Variants in XXYLT1 observed in about 807,000 individuals in gnomAD.
XXYLT1 encodes xyloside xylosyltransferase 1.
In XXYLT1, 20 loss-of-function variants were observed where a neutral mutation model predicts 28.9. That is an observed-to-expected ratio of 0.69 (90% CI 0.49 to 1.00). The LOEUF is 1.00. Ranked by LOEUF, XXYLT1 falls within the 50% of genes least tolerant of loss-of-function variation. The probability of loss-of-function intolerance (pLI) is 0.00; values close to 1 mark genes in which losing one functional copy is unlikely to be tolerated. For missense variants in XXYLT1, 542 were observed against 560.1 expected (o/e 0.97, Z 0.33); for synonymous variants, 257 against 253.8 (o/e 1.01, Z -0.12).
At chr3:195,253,881 C>T (rs890595302) in intron 1 of XXYLT1, among the ~76,000 whole-genome samples, 4 of 152,252 alleles carry the variant, frequency 2.6e-5, no homozygotes, top group Admixed American at 2.0e-4. Context: ...GCCAGCCTAC[C>T]TGGCAGTTTA....
intron 2 of XXYLT1, among the ~76,000 whole-genome samples, chr3:195,202,713 TC>T (rs1211745807): frequency 6.6e-6 from 1 of 152,242 alleles, no homozygotes; most frequent in African/African-American, 2.4e-5. Flanking sequence ...CTTGAGACTA[TC>T]CGATGCATAG....
At chr3:195,157,656 C>A (rs918725808) in intron 2 of XXYLT1, among the ~76,000 whole-genome samples, 3 of 152,182 alleles carry the variant, frequency 2.0e-5, no homozygotes, top group Non-Finnish European at 4.4e-5. Flanking sequence ...TGACCAGGAC[C>A]CTGCCCTCAA....
At chr3:195,188,119 A>T (rs1047290619) in intron 2 of XXYLT1, among the ~76,000 whole-genome samples, 1 of 152,202 alleles carries the variant, frequency 6.6e-6, no homozygotes, top group Non-Finnish European at 1.5e-5. Flanking sequence ...AACAGGAAAA[A>T]AGTCTAGGGG....
chr3:195,244,354 G>C (rs528884378), intron 1 of XXYLT1, among the ~76,000 whole-genome samples: 1 of 152,326 alleles, frequency 6.6e-6, no homozygotes, highest in South Asian at 2.1e-4. Flanking sequence ...CTCCAGCTTT[G>C]CTGCACGCAC....
chr3:195,089,853 C>CA lies in XXYLT1; in HGVS notation c.786-19743dup, dbSNP rs1463552047. ...GAAGATCTACCAAGCCAATGGAAAA[C>CA]AAAAAAAGGCAGGGGTTGCAATCCT... On this transcript the variant is annotated intron_variant, in intron 3 of 3. Transcript: ENST00000310380. Among the ~76,000 whole-genome samples, 5 of 151,496 alleles carry CA rather than the reference C, an allele frequency of 3.3e-5. No homozygotes were observed. In the East Asian group the frequency reaches 5.8e-4, roughly 18 times the overall value.
At chr3:195,181,366 A>G (rs575741978) in intron 2 of XXYLT1, among the ~76,000 whole-genome samples, 2 of 152,258 alleles carry the variant, frequency 1.3e-5, no homozygotes, top group South Asian at 2.1e-4. Context: ...CTACACTTTC[A>G]TCTTCTACAC....
At chr3:195,138,728 G>A (rs1719324234) in intron 3 of XXYLT1, among the ~76,000 whole-genome samples, 1 of 151,910 alleles carries the variant, frequency 6.6e-6, no homozygotes, top group South Asian at 2.1e-4. Context: ...GGTGGCGGGT[G>A]CCTATAATCC....
chr3:195,192,994 A>C (rs1222217970), intron 2 of XXYLT1, among the ~76,000 whole-genome samples: 1 of 152,172 alleles, frequency 6.6e-6, no homozygotes. Context: ...ATTCAAAAAA[A>C]TCCATTCCTG....
intron 3 of XXYLT1, among the ~76,000 whole-genome samples, chr3:195,108,096 A>G (rs1717252739): frequency 6.6e-6 from 1 of 152,290 alleles, no homozygotes; most frequent in South Asian, 2.1e-4. Flanking sequence ...CTGGCCTTTC[A>G]TCTTACAGAG....
intron 1 of XXYLT1, among the ~76,000 whole-genome samples, chr3:195,233,267 T>C (rs899490346): frequency 1.3e-5 from 2 of 152,234 alleles, no homozygotes; most frequent in Non-Finnish European, 2.9e-5. Flanking sequence ...TTTTTATAAA[T>C]GAAGTGTGTT....
At chr3:195,156,668 A>G in intron 2 of XXYLT1, 87 bp from the exon 3 acceptor site, 1 of 1,531,682 alleles carries the variant, frequency 6.5e-7, no homozygotes, top group South Asian at 1.2e-5. Flanking sequence ...GAGGGCAGAG[A>G]AAAGGGCACT....
At position 195,077,608 on chromosome 3, in the gene XXYLT1, C is replaced by A. The variant is rs1165778393; in HGVS notation, c.786-7497G>T. On this transcript the variant is annotated intron_variant, in intron 3 of 3. Transcript: ENST00000310380. The surrounding 1 kb of genome is among the most constrained non-coding windows in gnomAD (Gnocchi z 4.8). ...CCAAAGCTGTACCAGCTATGACCAG[C>A]CCATCTCTGTGGGGCCCTGTAAAGC... Among the ~76,000 whole-genome samples the A allele has an allele frequency of 6.6e-6, 1 of 152,166 alleles. No individual in the cohort carries two copies. The highest frequency in any genetic ancestry group is 1.5e-5 in the Non-Finnish European group (1 of 68,014).
chr3:195,253,762 G>T (rs970535666), intron 1 of XXYLT1, among the ~76,000 whole-genome samples: 2 of 152,032 alleles, frequency 1.3e-5, no homozygotes, highest in African/African-American at 4.8e-5. Flanking sequence ...GCCTCCCAAA[G>T]TTCTAGGATT....
At chr3:195,218,457 C>T (rs1361174401) in intron 2 of XXYLT1, among the ~76,000 whole-genome samples, 2 of 151,538 alleles carry the variant, frequency 1.3e-5, no homozygotes, top group African/African-American at 4.8e-5. Flanking sequence ...TGAACTCAAA[C>T]AAATTTACAA....
chr3:195,174,763 T>C (rs1721578203), intron 2 of XXYLT1, among the ~76,000 whole-genome samples: 2 of 146,170 alleles, frequency 1.4e-5, no homozygotes, highest in African/African-American at 2.5e-5. Context: ...CCTCGTCCCC[T>C]TTCCCTTCCT....
At chr3:195,107,515 G>T (rs1252218883) in intron 3 of XXYLT1, among the ~76,000 whole-genome samples, 1 of 28,352 alleles carries the variant, frequency 3.5e-5, no homozygotes, top group Non-Finnish European at 8.4e-5. Context: ...GGAAGAAGAA[G>T]AAGGAGGAGG....
intron 1 of XXYLT1, among the ~76,000 whole-genome samples, chr3:195,259,410 C>T (rs1483429701): frequency 6.6e-6 from 1 of 152,190 alleles, no homozygotes; most frequent in Non-Finnish European, 1.5e-5. Flanking sequence ...GACTTGTCTT[C>T]CACAACCCAC....
At chr3:195,116,521 A>C (rs1331598771) in intron 3 of XXYLT1, among the ~76,000 whole-genome samples, 2 of 152,172 alleles carry the variant, frequency 1.3e-5, no homozygotes, top group Admixed American at 1.3e-4. Flanking sequence ...GCACATCAGC[A>C]AGAAGGGAGG....
chr3:195,153,562 A>G (rs1038777791), intron 3 of XXYLT1, among the ~76,000 whole-genome samples: 64 of 152,354 alleles, frequency 4.2e-4, no homozygotes, highest in Middle Eastern at 3.4e-3. Flanking sequence ...CATGGTTATC[A>G]TAGTACATAA....
Sources: gnomAD v4.1 joint callset for allele counts (sites outside exome capture counted in the v4.1 genomes callset) on GRCh38, gnomAD v4.1.1 for gene constraint, Gnocchi (gnomAD v3.1) non-coding constraint, MANE v1.5 for transcripts, NCBI Gene and HGNC (gene_info 2026-07-23, HGNC 2026-07-21) for gene names.